Variants in ABCC9 observed in about 807,000 individuals in gnomAD.
The protein encoded by ABCC9 is ATP binding cassette subfamily C member 9.
ABCC9 carries 95 observed loss-of-function variants against 188.3 expected under a neutral mutation model. That is an observed-to-expected ratio of 0.50 (90% CI 0.43 to 0.60). The LOEUF (loss-of-function observed/expected upper bound fraction) is 0.60, where lower values mean the gene tolerates loss of function less well. ABCC9 is among the 20% of genes least tolerant of loss of function. The probability of loss-of-function intolerance (pLI) is 0.00; values close to 1 mark genes in which losing one functional copy is unlikely to be tolerated. For missense variants in ABCC9, 1,102 were observed against 1,876.3 expected, an observed-to-expected ratio of 0.59 and a Z score of 7.62; for synonymous variants, 659 against 652.7, an observed-to-expected ratio of 1.01 and a Z score of -0.15.
chr12:21,857,825 C>T (rs1292445743), intron 22 of ABCC9, among the ~76,000 whole-genome samples: 1 of 152,136 alleles, frequency 6.6e-6, no homozygotes, highest in African/African-American at 2.4e-5. Context: ...GAACACAGCC[C>T]TGCTGACACT....
intron 6 of ABCC9, among the ~76,000 whole-genome samples, chr12:21,916,731 G>A (rs1196119870): frequency 6.6e-6 from 1 of 152,136 alleles, no homozygotes; most frequent in Non-Finnish European, 1.5e-5. Context: ...CAATATTTGT[G>A]AATGAATAAA....
At chr12:21,814,184 G>A (rs912534319) in intron 35 of ABCC9, among the ~76,000 whole-genome samples, 3 of 152,130 alleles carry the variant, frequency 2.0e-5, no homozygotes, top group Admixed American at 2.0e-4. Flanking sequence ...AACGTTCAAT[G>A]TCATTAAGCA....
intron 24 of ABCC9, among the ~76,000 whole-genome samples, chr12:21,848,842 T>C (rs1028954953): frequency 6.8e-6 from 1 of 146,186 alleles, no homozygotes; most frequent in East Asian, 1.9e-4. Context: ...GAGAAAGCCC[T>C]AGGAGGAGAA....
chr12:21,898,470 A>G (rs1947538389), intron 12 of ABCC9, among the ~76,000 whole-genome samples: 1 of 152,190 alleles, frequency 6.6e-6, no homozygotes, highest in Non-Finnish European at 1.5e-5. Flanking sequence ...CTGGAAGATA[A>G]AACTCCTTCC....
intron 5 of ABCC9, among the ~76,000 whole-genome samples, chr12:21,919,792 T>C (rs1286366559): frequency 6.6e-6 from 1 of 152,032 alleles, no homozygotes; most frequent in Non-Finnish European, 1.5e-5. Context: ...GCAGCCTGTA[T>C]AAGCCTGAAG....
chr12:21,832,499 G>A lies in ABCC9; in HGVS notation c.3567-3439C>T, dbSNP rs372794726. On this transcript the variant is annotated intron_variant, in intron 30 of 39. Transcript: ENST00000261200. ...CAAGACTTCTTTTGGGTTTAAAAAT[G>A]CTGATATTTATGATAGTTAATAAAA... Among the ~76,000 whole-genome samples, 11 of 152,140 alleles carry A rather than the reference G, an allele frequency of 7.2e-5. 1 individual carries two copies. Among genetic ancestry groups the A allele is most frequent in the African/African-American group, 2.2e-4 (9 of 41,514 alleles).
At chr12:21,838,024 A>C in intron 30 of ABCC9, 54 bp downstream of exon 30, 1 of 1,349,212 alleles carries the variant, frequency 7.4e-7, no homozygotes, top group Middle Eastern at 1.9e-4. Flanking sequence ...GTAGAAAAAT[A>C]TTTGTTGATG....
At chr12:21,840,816 C>T (rs1477656787) in intron 29 of ABCC9, among the ~76,000 whole-genome samples, 1 of 152,198 alleles carries the variant, frequency 6.6e-6, no homozygotes, top group Non-Finnish European at 1.5e-5. Context: ...GATCCTAATT[C>T]ATAGCTAAGA....
intron 22 of ABCC9, among the ~76,000 whole-genome samples, chr12:21,856,874 G>C (rs1307141532): frequency 6.6e-6 from 1 of 152,116 alleles, no homozygotes; most frequent in Non-Finnish European, 1.5e-5. Context: ...TGATTACATA[G>C]CCAATACTCA....
intron 21 of ABCC9, among the ~76,000 whole-genome samples, chr12:21,860,535 A>C (rs1416771583): frequency 6.6e-6 from 1 of 152,236 alleles, no homozygotes; most frequent in Non-Finnish European, 1.5e-5. Flanking sequence ...ACTATTTTTC[A>C]GCTTGTCTGA....
At chr12:21,889,674 A>G (rs1390653262) in intron 14 of ABCC9, among the ~76,000 whole-genome samples, 4 of 152,180 alleles carry the variant, frequency 2.6e-5, no homozygotes, top group Admixed American at 6.6e-5. Context: ...TTTCTAGTAT[A>G]GATACAAATC....
intron 16 of ABCC9, among the ~76,000 whole-genome samples, chr12:21,875,953 A>G (rs760286641): frequency 2.0e-5 from 3 of 151,892 alleles, no homozygotes; most frequent in Admixed American, 6.6e-5. Context: ...GCGTGGTGGC[A>G]GGCGCCTGTA....
At chr12:21,882,941 T>TA in intron 15 of ABCC9, 68 bp from the exon 16 acceptor site, 2 of 1,131,516 alleles carry the variant, frequency 1.8e-6, no homozygotes, top group South Asian at 1.2e-5. Flanking sequence ...ACTGAACACT[T>TA]ACTCACATTG....
intron 31 of ABCC9, among the ~76,000 whole-genome samples, chr12:21,825,060 C>T (rs1943289103): frequency 6.6e-6 from 1 of 152,088 alleles, no homozygotes; most frequent in Non-Finnish European, 1.5e-5. Context: ...CATCACTGGT[C>T]ATTACAGAAA....
chr12:21,910,708 G>A, intron 9 of ABCC9, 118 bp downstream of exon 9: 1 of 874,682 alleles, frequency 1.1e-6, no homozygotes, highest in Non-Finnish European at 1.8e-6. Context: ...AAACGTTGTT[G>A]TTGTAATACC....
At chr12:21,889,493 T>G (rs957324911) in intron 14 of ABCC9, among the ~76,000 whole-genome samples, 1 of 152,180 alleles carries the variant, frequency 6.6e-6, no homozygotes, top group Non-Finnish European at 1.5e-5. Context: ...ACACTATGTC[T>G]CTGCACAAAA....
At chr12:21,936,808 G>T in intron 2 of ABCC9, 114 bp from the exon 3 acceptor site, 1 of 727,314 alleles carries the variant, frequency 1.4e-6, no homozygotes. Flanking sequence ...CTTTTACTTT[G>T]ATAGCTGAGG....
chr12:21,918,559 A>G (rs1948688775), intron 5 of ABCC9, among the ~76,000 whole-genome samples: 1 of 152,186 alleles, frequency 6.6e-6, no homozygotes, highest in South Asian at 2.1e-4. Context: ...TTCTATCGCT[A>G]CTTAACAAAC....
chr12:21,830,945 A>C (rs1311230871), intron 30 of ABCC9: 1 of 151,786 alleles, frequency 6.6e-6, no homozygotes, highest in Non-Finnish European at 1.5e-5. Context: ...TATAGGATTT[A>C]CTGAAACAAT....
Sources: allele counts gnomAD v4.1 joint callset (sites outside exome capture counted in the v4.1 genomes callset), GRCh38; gene constraint gnomAD v4.1.1; transcripts MANE v1.5; gene names NCBI Gene and HGNC (gene_info 2026-07-23, HGNC 2026-07-21).